The following PARD3B variants were observed in gnomAD, a reference collection of about 807,000 sequenced individuals.
PARD3B encodes partitioning defective 3 homolog B.
A neutral mutation model predicts 130.2 loss-of-function variants in PARD3B; 103 were observed. That is an observed-to-expected ratio of 0.79 (90% CI 0.67 to 0.93). The LOEUF is 0.93. PARD3B is among the 40% of genes least tolerant of loss of function. The pLI, the probability that PARD3B is intolerant of heterozygous loss-of-function variation, is 0.00. For synonymous variants in PARD3B, 583 were observed against 553.2 expected, an observed-to-expected ratio of 1.05 and a Z score of -0.76; for missense variants, 1,609 against 1,499.2, an observed-to-expected ratio of 1.07 and a Z score of -1.21.
chr2:204,660,538 C>T (rs1263002209), intron 1 of PARD3B, among the ~76,000 whole-genome samples: 2 of 152,108 alleles, frequency 1.3e-5, no homozygotes, highest in Non-Finnish European at 2.9e-5. Flanking sequence ...TCTGTCAATA[C>T]TGTCTCTGGA....
In PARD3B at chr2:205,463,438, TAAAAAAA is replaced by T. The variant is rs35556760; in HGVS notation, c.3044+22781_3044+22787del. ...AACATTTCACTGCACATTAATTCTT[TAAAAAAA>T]AAAAAAAAAAAAAACCTGTCATTTA... On this transcript the variant is annotated intron_variant, in intron 20 of 22. Coordinates refer to ENST00000406610, the MANE Select transcript of PARD3B (RefSeq NM_001302769.2). This position sits in a 1 kb window ranked among gnomAD's most constrained non-coding sequence, Gnocchi z 4.8. Among the ~76,000 whole-genome samples, 8 of 121,562 alleles carry T rather than the reference TAAAAAAA, an allele frequency of 6.6e-5. No homozygotes were observed. The highest frequency in any genetic ancestry group is 1.4e-4 in the African/African-American group (5 of 34,762). 79.7% of individuals were successfully genotyped at this position (121,562 alleles called of 152,430 possible).
chr2:204,746,316 A>AT (rs1236142113), intron 2 of PARD3B, among the ~76,000 whole-genome samples: 6 of 151,720 alleles, frequency 4.0e-5, no homozygotes, highest in Non-Finnish European at 8.8e-5. Context: ...TGAACTCATC[A>AT]TTTTTTATGG....
At chr2:204,679,835 A>G (rs2036737202) in intron 1 of PARD3B, among the ~76,000 whole-genome samples, 1 of 151,928 alleles carries the variant, frequency 6.6e-6, no homozygotes, top group African/African-American at 2.4e-5. Context: ...ATATTAATTT[A>G]TGAATAACTT....
chr2:205,072,255 T>A (rs200734709), intron 4 of PARD3B, among the ~76,000 whole-genome samples: 4 of 134,428 alleles, frequency 3.0e-5, no homozygotes, highest in Non-Finnish European at 6.6e-5. Context: ...TTTTTTTTTT[T>A]CTTCTTTGAG....
At chr2:205,553,041 GAA>G (rs1346943064) in intron 21 of PARD3B, among the ~76,000 whole-genome samples, 2 of 151,938 alleles carry the variant, frequency 1.3e-5, no homozygotes. Flanking sequence ...AGAAGAAGAA[GAA>G]GAAAATAGTC....
chr2:204,572,967 G>A (rs2032079161), intron 1 of PARD3B, among the ~76,000 whole-genome samples: 1 of 152,160 alleles, frequency 6.6e-6, no homozygotes, highest in Admixed American at 6.5e-5. Context: ...AGGCCTCCTG[G>A]AAGAGATGAA....
chr2:205,416,469 A>G (rs2046779651), intron 19 of PARD3B, among the ~76,000 whole-genome samples: 1 of 152,178 alleles, frequency 6.6e-6, no homozygotes, highest in African/African-American at 2.4e-5. Context: ...TTGAAAAGCA[A>G]TCAAGAAAAA....
At chr2:204,692,072 A>G (rs2037380184) in intron 2 of PARD3B, among the ~76,000 whole-genome samples, 1 of 152,098 alleles carries the variant, frequency 6.6e-6, no homozygotes, top group South Asian at 2.1e-4. Context: ...CTTTATTCTT[A>G]AGCCAAATTG....
At chr2:205,218,249 C>A (rs1185509999) in intron 15 of PARD3B, among the ~76,000 whole-genome samples, 1 of 151,950 alleles carries the variant, frequency 6.6e-6, no homozygotes, top group Non-Finnish European at 1.5e-5. Flanking sequence ...TCGAAACAGG[C>A]AAGGGTTTTA....
chr2:205,394,594 C>A (rs528130808), intron 18 of PARD3B, among the ~76,000 whole-genome samples: 33 of 152,122 alleles, frequency 2.2e-4, no homozygotes, highest in Admixed American at 6.6e-4. Flanking sequence ...CCCCAAATGT[C>A]CATCAGTGGA....
intron 18 of PARD3B, among the ~76,000 whole-genome samples, chr2:205,354,537 T>G (rs2044123465): frequency 6.6e-6 from 1 of 151,938 alleles, no homozygotes; most frequent in Non-Finnish European, 1.5e-5. Context: ...CAGACTTTTC[T>G]GAACTCCTGG....
chr2:205,595,817 A>G (rs2054548767), intron 22 of PARD3B, among the ~76,000 whole-genome samples: 1 of 152,180 alleles, frequency 6.6e-6, no homozygotes, highest in Non-Finnish European at 1.5e-5. Flanking sequence ...GCACTCATCA[A>G]TGGCCCTGGA....
At chr2:205,468,606 C>T (rs1316064682) in intron 20 of PARD3B, among the ~76,000 whole-genome samples, 1 of 152,140 alleles carries the variant, frequency 6.6e-6, no homozygotes, top group East Asian at 1.9e-4. Flanking sequence ...TTCTGCCTTC[C>T]CTGAACCACA....
chr2:205,031,454 A>G (rs1248317762), intron 3 of PARD3B, among the ~76,000 whole-genome samples: 1 of 152,176 alleles, frequency 6.6e-6, no homozygotes, highest in Admixed American at 6.6e-5. Context: ...ATGATCTTTC[A>G]TCTCAAATTA....
intron 2 of PARD3B, among the ~76,000 whole-genome samples, chr2:204,776,591 C>T (rs1384261824): frequency 6.6e-6 from 1 of 151,958 alleles, no homozygotes; most frequent in East Asian, 1.9e-4. Flanking sequence ...CCTTTCCAAG[C>T]ATATTCCTTT....
In PARD3B at chr2:205,592,996, C is replaced by CT. The variant is rs1448064598; in HGVS notation, c.3261-22454dup. 6.6e-6 allele frequency among the ~76,000 whole-genome samples: 1 copy of CT among 152,324 alleles called. No individual in the cohort carries two copies. Among genetic ancestry groups the CT allele is most frequent in the South Asian group, 2.1e-4 (1 of 4,826 alleles). On this transcript the variant is annotated intron_variant, in intron 22 of 22. Coordinates refer to ENST00000406610, the MANE Select transcript of PARD3B (RefSeq NM_001302769.2). The surrounding 1 kb of genome is among the most constrained non-coding windows in gnomAD (Gnocchi z 4.5). ...CCTGGATAGACATTGTGGCCCATAC[C>CT]TTTTTTATATACTTTATATTTGGGT...
At chr2:204,840,403 T>A (rs2044216094) in intron 2 of PARD3B, among the ~76,000 whole-genome samples, 1 of 152,176 alleles carries the variant, frequency 6.6e-6, no homozygotes, top group Admixed American at 6.5e-5. Flanking sequence ...ACTTCCAATA[T>A]CATGCTTTCC....
At chr2:205,236,304 A>G (rs1398542485) in intron 15 of PARD3B, among the ~76,000 whole-genome samples, 1 of 152,224 alleles carries the variant, frequency 6.6e-6, no homozygotes, top group Admixed American at 6.5e-5. Flanking sequence ...TCTTCCAGAT[A>G]AATAAAGAGG....
chr2:205,026,166 C>T (rs965807880), intron 3 of PARD3B, among the ~76,000 whole-genome samples: 1 of 151,974 alleles, frequency 6.6e-6, no homozygotes, highest in African/African-American at 2.4e-5. Flanking sequence ...GAATAGAGAG[C>T]AAGTAACTAT....
Sources: allele counts gnomAD v4.1 joint callset (sites outside exome capture counted in the v4.1 genomes callset), GRCh38; gene constraint gnomAD v4.1.1; non-coding constraint Gnocchi (gnomAD v3.1); transcripts MANE v1.5; gene names NCBI Gene and HGNC (gene_info 2026-07-23, HGNC 2026-07-21).